The following DOCK3 variants were observed in gnomAD, a reference collection of about 807,000 sequenced individuals.
DOCK3 encodes dedicator of cytokinesis 3, also known as dedicator of cytokinesis protein 3.
A neutral mutation model predicts 265.6 loss-of-function variants in DOCK3; 60 were observed. The ratio of observed to expected loss-of-function variants is 0.23; its 90% CI spans 0.18 to 0.28. DOCK3 has a LOEUF of 0.28. DOCK3 is among the 10% of genes least tolerant of loss of function. DOCK3 has a pLI of 1.00. For missense variants in DOCK3, 1,981 were observed against 2,594.3 expected (o/e 0.76, Z 5.14); for synonymous variants, 881 against 938.0 (o/e 0.94, Z 1.11).
chr3:51,324,327 A>T (rs1306589220), intron 32 of DOCK3, among the ~76,000 whole-genome samples: 1 of 152,226 alleles, frequency 6.6e-6, no homozygotes, highest in Non-Finnish European at 1.5e-5. Context: ...CACAATTGCT[A>T]CAAAGAGAAT....
chr3:50,705,910 A>G (rs764463733), intron 1 of DOCK3, among the ~76,000 whole-genome samples: 16 of 152,084 alleles, frequency 1.1e-4, no homozygotes, highest in Non-Finnish European at 1.9e-4. Context: ...GCACACTTGT[A>G]ATCCGAGCTA....
Position 51,208,857 on chromosome 3 carries a change from G to C in DOCK3, c.1121G>C (p.Ser374Thr). The change falls in exon 13 of 53, where the codon AGC (serine) becomes ACC (threonine). Residue 374 changes from serine (S) to threonine (T), a missense_variant. This residue lies in a region of DOCK3 where 456 missense variants were observed against 539.0 expected (regional missense o/e 0.85). Coordinates refer to ENST00000266037, the MANE Select transcript of DOCK3 (RefSeq NM_004947.5). ...SSAKYSAPSA[S>T]HGLIISLQLL... ...GCCAAGTACTCTGCCCCCAGCGCCAGCCATGGTGAGATACTTCTCTGACTA... is the reference window on the plus strand; with the variant it reads ...GCCAAGTACTCTGCCCCCAGCGCCACCCATGGTGAGATACTTCTCTGACTA... 6.2e-7 allele frequency: 1 copy of C among 1,609,634 alleles called. No individual in the cohort carries two copies. Among genetic ancestry groups the C allele is most frequent in the Non-Finnish European group, 8.5e-7 (1 of 1,178,078 alleles).
intron 16 of DOCK3, 29 bp downstream of exon 16, chr3:51,227,474 C>T: frequency 6.2e-7 from 1 of 1,612,582 alleles, no homozygotes; most frequent in Non-Finnish European, 8.5e-7. Flanking sequence ...CCTCCACATT[C>T]CCTTGAGAAT....
chr3:51,262,309 CCT>C (rs2079898387), intron 23 of DOCK3, among the ~76,000 whole-genome samples: 1 of 152,174 alleles, frequency 6.6e-6, no homozygotes, highest in Non-Finnish European at 1.5e-5. Flanking sequence ...CCCCAGCAGA[CCT>C]CTAACAGAGG....
chr3:50,734,266 T>C (rs1040371113), intron 1 of DOCK3, among the ~76,000 whole-genome samples: 2 of 152,286 alleles, frequency 1.3e-5, no homozygotes, highest in Non-Finnish European at 2.9e-5. Context: ...CCCAATACTT[T>C]GGGAGGCTGA....
At chr3:50,730,722 T>C (rs533518153) in intron 1 of DOCK3, among the ~76,000 whole-genome samples, 15 of 152,192 alleles carry the variant, frequency 9.9e-5, no homozygotes, top group African/African-American at 3.4e-4. Flanking sequence ...TCCTAGCTAC[T>C]TGGGAGGCTT....
intron 14 of DOCK3, among the ~76,000 whole-genome samples, chr3:51,215,870 G>A (rs1160007371): frequency 6.6e-6 from 1 of 151,956 alleles, no homozygotes; most frequent in East Asian, 1.9e-4. Context: ...CTGTTGTAGG[G>A]GTAATGACTG....
At chr3:50,818,506 A>C (rs2044221472) in intron 2 of DOCK3, among the ~76,000 whole-genome samples, 1 of 152,218 alleles carries the variant, frequency 6.6e-6, no homozygotes, top group African/African-American at 2.4e-5. Context: ...GGCTCTGGTG[A>C]TACAAAATGT....
intron 1 of DOCK3, among the ~76,000 whole-genome samples, chr3:50,712,526 C>T (rs1382104151): frequency 6.6e-6 from 1 of 152,022 alleles, no homozygotes; most frequent in African/African-American, 2.4e-5. Flanking sequence ...TTAGTAGAGT[C>T]GGGGTTTTGC....
intron 49 of DOCK3, among the ~76,000 whole-genome samples, chr3:51,372,358 G>C (rs865946405): frequency 6.6e-6 from 1 of 152,206 alleles, no homozygotes; most frequent in African/African-American, 2.4e-5. Flanking sequence ...CAGAGGGCAG[G>C]GGGAGGGAAG....
chr3:51,214,100 GA>G, intron 13 of DOCK3, 21 bp from the exon 14 acceptor site: 1 of 1,613,402 alleles, frequency 6.2e-7, no homozygotes, highest in African/African-American at 1.3e-5. Flanking sequence ...GTGGTTCTAA[GA>G]AAATGCTTTT....
At chr3:50,680,871 T>A (rs2034362605) in intron 1 of DOCK3, among the ~76,000 whole-genome samples, 1 of 152,090 alleles carries the variant, frequency 6.6e-6, no homozygotes, top group East Asian at 1.9e-4. Context: ...TGTATATTAG[T>A]CCCTTATCAG....
At chr3:51,333,274 TC>T (rs1355220234) in intron 35 of DOCK3, 21 bp downstream of exon 35, 3 of 1,606,282 alleles carry the variant, frequency 1.9e-6, no homozygotes, top group African/African-American at 2.7e-5. Context: ...AGCCACCCGC[TC>T]CCCTCTTCCC....
intron 3 of DOCK3, among the ~76,000 whole-genome samples, chr3:50,863,050 C>CCT (rs2046986553): frequency 6.6e-6 from 1 of 152,142 alleles, no homozygotes; most frequent in Admixed American, 6.6e-5. Context: ...TGGCACTACT[C>CCT]CTATGTTTTA....
At chr3:51,181,082 T>C (rs1329366647) in intron 12 of DOCK3, among the ~76,000 whole-genome samples, 1 of 152,230 alleles carries the variant, frequency 6.6e-6, no homozygotes, top group Non-Finnish European at 1.5e-5. Context: ...TATTTGTCTT[T>C]ATTTTAATTG....
At chr3:50,952,028 G>C (rs2076604765) in intron 5 of DOCK3, among the ~76,000 whole-genome samples, 1 of 152,240 alleles carries the variant, frequency 6.6e-6, no homozygotes, top group African/African-American at 2.4e-5. Context: ...GACAAACAGT[G>C]GTGGGTTGAC....
chr3:51,260,076 C>T, intron 22 of DOCK3, 80 bp from the exon 23 acceptor site: 2 of 1,417,328 alleles, frequency 1.4e-6, no homozygotes, highest in Non-Finnish European at 1.9e-6. Flanking sequence ...ACTGCTGTTA[C>T]TTTGCCCCTT....
At chr3:50,979,212 A>C (rs777451690) in intron 5 of DOCK3, among the ~76,000 whole-genome samples, 15 of 152,108 alleles carry the variant, frequency 9.9e-5, no homozygotes, top group Non-Finnish European at 1.0e-4. Context: ...CAACTACTTT[A>C]GTCAGTGTTT....
At chr3:51,137,935 C>G (rs931767117) in intron 9 of DOCK3, among the ~76,000 whole-genome samples, 1 of 152,184 alleles carries the variant, frequency 6.6e-6, no homozygotes, top group Non-Finnish European at 1.5e-5. Context: ...ATTTGACTCT[C>G]TTGGCCACAG....
Sources: gnomAD v4.1 joint callset for allele counts (sites outside exome capture counted in the v4.1 genomes callset) on GRCh38, gnomAD v4.1.1 for gene constraint, gnomAD v4.1.1 regional missense constraint, MANE v1.5 for transcripts, NCBI Gene and HGNC (gene_info 2026-07-23, HGNC 2026-07-21) for gene names.